The following SMIM13 variants were observed in gnomAD, a reference collection of about 807,000 sequenced individuals.
SMIM13 encodes UPF0766 protein C6orf228.
A neutral mutation model predicts 5.9 loss-of-function variants in SMIM13; 3 were observed. The observed-to-expected ratio is 0.51, with a 90% confidence interval of 0.23 to 1.31. The LOEUF (loss-of-function observed/expected upper bound fraction) is 1.31. Ranked by LOEUF, SMIM13 falls within the 40% of genes most tolerant of loss-of-function variation. The pLI is 0.18. For missense variants in SMIM13, 85 were observed against 109.9 expected (o/e 0.77, Z 1.01); for synonymous variants, 55 against 46.0 (o/e 1.19, Z -0.79).
rs1045384160 is a variant in SMIM13, at chr6:11,110,856, G to A, written c.76+16467G>A. On this transcript the variant is annotated intron_variant, in intron 1 of 1. Transcript: ENST00000416247. ...AGAGAATTTTCCTTCCCCACAAAGG[G>A]GTGCTAACTCAGAAAAAAAGCGAGT... Among the ~76,000 whole-genome samples the A allele has an allele frequency of 8.5e-5, 13 of 152,288 alleles. No individual in the cohort carries two copies. The Middle Eastern group carries it at 0.01, about 120-fold the overall frequency.
intron 1 of SMIM13, among the ~76,000 whole-genome samples, chr6:11,118,666 G>A (rs1372445315): frequency 6.6e-6 from 1 of 152,140 alleles, no homozygotes; most frequent in Non-Finnish European, 1.5e-5. Context: ...CGATCTAAAA[G>A]TTATATATTA....
chr6:11,094,373 G>A lies in SMIM13; in HGVS notation c.60G>A (p.Leu20=). 6.5e-7 allele frequency: 1 copy of A among 1,537,356 alleles called. No individual in the cohort carries two copies. Residue 20 remains leucine (L), a synonymous_variant, in exon 1 of 2, where the codon CTG becomes CTA. Coordinates refer to ENST00000416247, the MANE Select transcript of SMIM13 (RefSeq NM_001135575.2). ...TCGTGGCCACGCTGCTGATCGTCCT[G>A]CTGCTGATGGTGTGCGGTGAGTGGG... is the stretch of plus-strand genomic sequence containing the variant. ...LVFVATLLIV[L]LLMVCGWYFV...
chr6:11,096,471 A>T (rs952505545), intron 1 of SMIM13, among the ~76,000 whole-genome samples: 1 of 152,208 alleles, frequency 6.6e-6, no homozygotes, highest in Non-Finnish European at 1.5e-5. Context: ...AAGCTCTATG[A>T]TGAAGTGATC....
At chr6:11,133,784 CAT>C (rs1399058183) in intron 1 of SMIM13, among the ~76,000 whole-genome samples, 1 of 149,564 alleles carries the variant, frequency 6.7e-6, no homozygotes, top group African/African-American at 2.5e-5. Flanking sequence ...TTTTTAATGA[CAT>C]TGATGTGAAA....
chr6:11,101,508 A>G (rs1757990018), intron 1 of SMIM13, among the ~76,000 whole-genome samples: 1 of 152,044 alleles, frequency 6.6e-6, no homozygotes, highest in African/African-American at 2.4e-5. Flanking sequence ...CCGAAGGAGG[A>G]GATGGAAGGA....
intron 1 of SMIM13, among the ~76,000 whole-genome samples, chr6:11,110,139 A>C (rs746908740): frequency 2.0e-5 from 3 of 152,190 alleles, no homozygotes; most frequent in Non-Finnish European, 4.4e-5. Flanking sequence ...TCCTGTGCCT[A>C]TGGCAGACTA....
In SMIM13 at chr6:11,110,729, C is replaced by G. The variant is rs116335509; in HGVS notation, c.76+16340C>G. ...GAAAGCCTTCATATGTTTGCAGAAA[C>G]AGCAGCCCTTGGATTTGAGAGGGCA... is the stretch of plus-strand genomic sequence containing the variant. On this transcript the variant is annotated intron_variant, in intron 1 of 1. Transcript: ENST00000416247. Among the ~76,000 whole-genome samples the G allele has an allele frequency of 2.8e-3, 421 of 152,290 alleles. 5 individuals carry two copies. Among genetic ancestry groups the G allele is most frequent in the African/African-American group, 9.3e-3 (385 of 41,556 alleles).
intron 1 of SMIM13, among the ~76,000 whole-genome samples, chr6:11,130,261 A>AC (rs897046855): frequency 1.4e-5 from 2 of 138,962 alleles, no homozygotes; most frequent in East Asian, 4.3e-4. Flanking sequence ...TGTAAAAAAA[A>AC]AAAAAAAACA....
At chr6:11,116,008 CTTTTTTTTTTTT>C (rs35527082) in intron 1 of SMIM13, among the ~76,000 whole-genome samples, 917 of 78,534 alleles carry the variant, frequency 0.012, 15 homozygotes, top group Middle Eastern at 0.041. Flanking sequence ...CTTCCTTCCT[CTTTTTTTTTTTT>C]TTTTTTTTTT....
intron 1 of SMIM13, among the ~76,000 whole-genome samples, chr6:11,111,043 C>A (rs1165964953): frequency 6.6e-6 from 1 of 152,176 alleles, no homozygotes; most frequent in Non-Finnish European, 1.5e-5. Flanking sequence ...TCTATCCCGG[C>A]AGTGAGCCAA....
intron 1 of SMIM13, chr6:11,103,381 T>C (rs1304578502): frequency 3.3e-6 from 1 of 302,658 alleles, no homozygotes; most frequent in East Asian, 5.5e-5. Flanking sequence ...ACCTGATGGT[T>C]GCCTGACATT....
At chr6:11,114,592 CTTTTTTTTTTTTT>C (rs58585640) in intron 1 of SMIM13, among the ~76,000 whole-genome samples, 334 of 21,960 alleles carry the variant, frequency 0.015, 16 homozygotes, top group Admixed American at 0.022. Context: ...CACTTTTTCT[CTTTTTTTTTTTTT>C]TTTTTTTTTT....
chr6:11,132,887 C>A (rs540301628), intron 1 of SMIM13, among the ~76,000 whole-genome samples: 1 of 152,070 alleles, frequency 6.6e-6, no homozygotes, highest in Non-Finnish European at 1.5e-5. Flanking sequence ...CTAAAAAACA[C>A]GGAATTGTAT....
chr6:11,128,504 A>G (rs1237551303), intron 1 of SMIM13, among the ~76,000 whole-genome samples: 1 of 152,142 alleles, frequency 6.6e-6, no homozygotes, highest in African/African-American at 2.4e-5. Flanking sequence ...GGGTAATGCA[A>G]GCATTCCTTT....
chr6:11,115,354 C>A (rs947766441), intron 1 of SMIM13, among the ~76,000 whole-genome samples: 1 of 152,154 alleles, frequency 6.6e-6, no homozygotes, highest in African/African-American at 2.4e-5. Context: ...GGCCTGGCTG[C>A]GTTCCTTTCT....
At chr6:11,108,477 T>C (rs1269658989) in intron 1 of SMIM13, among the ~76,000 whole-genome samples, 1 of 152,136 alleles carries the variant, frequency 6.6e-6, no homozygotes, top group Admixed American at 6.5e-5. Flanking sequence ...GTGGCCAAGA[T>C]TGTGGCAATT....
chr6:11,128,976 T>C (rs1447539943), intron 1 of SMIM13, among the ~76,000 whole-genome samples: 1 of 151,990 alleles, frequency 6.6e-6, no homozygotes, highest in African/African-American at 2.4e-5. Context: ...TTTATTAATA[T>C]GATGTTAAAA....
intron 1 of SMIM13, among the ~76,000 whole-genome samples, chr6:11,122,894 C>T (rs1758328971): frequency 1.3e-5 from 2 of 152,016 alleles, no homozygotes; most frequent in South Asian, 4.1e-4. Flanking sequence ...GTTCCCTCTA[C>T]TCCCCTCTTA....
Position 11,136,433 on chromosome 6 carries a change from T to C in SMIM13, c.*1831T>C, listed in dbSNP as rs1353298674. 2 of 152,352 alleles carry C rather than the reference T, an allele frequency of 1.3e-5. No individual in the cohort carries two copies. Among genetic ancestry groups the C allele is most frequent in the South Asian group, 2.1e-4 (1 of 4,832 alleles). 9.4% of individuals were successfully genotyped at this position (152,352 alleles called of 1,614,324 possible). A position where few individuals can be genotyped will look rare whatever the true frequency, so the allele number is the denominator to read the frequency against. On this transcript the variant is annotated 3_prime_UTR_variant, in exon 2 of 2. Coordinates refer to ENST00000416247, the MANE Select transcript of SMIM13 (RefSeq NM_001135575.2). ...TTCTTTTTATGTTTTTCTTAACCTT[T>C]ATTAAGGACTAGTCATCACAAAATA...
Sources: allele counts gnomAD v4.1 joint callset (sites outside exome capture counted in the v4.1 genomes callset), GRCh38; gene constraint gnomAD v4.1.1; transcripts MANE v1.5; gene names NCBI Gene and HGNC (gene_info 2026-07-23, HGNC 2026-07-21).